GBE1: variants seen among roughly 807,000 people sequenced by gnomAD.
GBE1 encodes the protein 1,4-alpha-glucan-branching enzyme.
A neutral mutation model predicts 88.8 loss-of-function variants in GBE1; 70 were observed. That is an observed-to-expected ratio of 0.79 (90% CI 0.65 to 0.96). The LOEUF is 0.96. Among genes scored for constraint, GBE1 ranks in the 40% least tolerant of loss-of-function variants. The pLI, the probability that GBE1 is intolerant of heterozygous loss-of-function variation, is 0.00. For synonymous variants in GBE1, 284 were observed against 300.1 expected (o/e 0.95, Z 0.56); for missense variants, 872 against 871.0 (o/e 1.00, Z -0.01).
chr3:81,671,172 TAATTA>T (rs1705183949), intron 2 of GBE1, among the ~76,000 whole-genome samples: 1 of 152,212 alleles, frequency 6.6e-6, no homozygotes, highest in Non-Finnish European at 1.5e-5. Context: ...TTGCATTTTA[TAATTA>T]AATTAAGACT....
intron 12 of GBE1, among the ~76,000 whole-genome samples, chr3:81,553,480 C>T (rs901524940): frequency 1.3e-5 from 2 of 151,374 alleles, no homozygotes; most frequent in Admixed American, 6.6e-5. Context: ...AGCAAGCATT[C>T]AGTATACACT....
chr3:81,564,436 T>C (rs1703462996), intron 12 of GBE1, among the ~76,000 whole-genome samples: 1 of 152,138 alleles, frequency 6.6e-6, no homozygotes, highest in Non-Finnish European at 1.5e-5. Context: ...GGAAGAAATG[T>C]AGCAGTATTT....
chr3:81,718,161 G>A (rs908786604), intron 1 of GBE1, among the ~76,000 whole-genome samples: 22 of 151,694 alleles, frequency 1.5e-4, no homozygotes, highest in Non-Finnish European at 4.4e-5. Flanking sequence ...GTATATTTTA[G>A]TATAGGTGGG....
intron 2 of GBE1, among the ~76,000 whole-genome samples, chr3:81,693,206 T>C (rs1360318017): frequency 3.3e-5 from 5 of 152,138 alleles, no homozygotes; most frequent in African/African-American, 1.2e-4. Flanking sequence ...ACAGTTTTGG[T>C]TTAAAAATAA....
At chr3:81,513,810 CA>C (rs1024561554) in intron 14 of GBE1, among the ~76,000 whole-genome samples, 23 of 151,638 alleles carry the variant, frequency 1.5e-4, no homozygotes, top group Admixed American at 5.9e-4. Context: ...TTAATTCTGA[CA>C]ACAATTCTAT....
Position 81,732,147 on chromosome 3 carries a change from G to A in GBE1, c.144-26534C>T, listed in dbSNP as rs147627903. On this transcript the variant is annotated intron_variant, in intron 1 of 15. Transcript: ENST00000429644. ...GACATATACTAAGCATTAAAATATA[G>A]TTGTTAAATCAACGAATATACATAA... Among the ~76,000 whole-genome samples the A allele has an allele frequency of 5.7e-3, 869 of 152,176 alleles. 2 individuals carry two copies. Among genetic ancestry groups the A allele is most frequent in the Non-Finnish European group, 8.5e-3 (578 of 67,996 alleles).
chr3:81,567,127 G>A (rs1703506003), intron 12 of GBE1, among the ~76,000 whole-genome samples: 1 of 152,106 alleles, frequency 6.6e-6, no homozygotes, highest in Admixed American at 6.6e-5. Context: ...CTCAGAATCA[G>A]TCTCGTCTAG....
chr3:81,740,379 C>CTTTTTTTTTTTTT (rs1485421090), intron 1 of GBE1, among the ~76,000 whole-genome samples: 1 of 148,448 alleles, frequency 6.7e-6, no homozygotes, highest in African/African-American at 2.5e-5. Flanking sequence ...GGATCTCTCT[C>CTTTTTTTTTTTTT]TTTTTTTTTT....
Position 81,661,867 on chromosome 3 carries a change from C to T in GBE1, c.429+8971G>A, listed in dbSNP as rs1032431242. Among the ~76,000 whole-genome samples, 6 of 152,096 alleles carry T rather than the reference C, an allele frequency of 3.9e-5. No individual in the cohort carries two copies. In the South Asian group the frequency reaches 1.2e-3, roughly 32 times the overall value. On this transcript the variant is annotated intron_variant, in intron 3 of 15. Coordinates refer to ENST00000429644, the MANE Select transcript of GBE1 (RefSeq NM_000158.4). Reference sequence around the variant, plus strand: ...ACATCAGGTTACAGGGAATATATTTCCTAAAACCCTGGTAATAATACTTTT... The same window carrying T: ...ACATCAGGTTACAGGGAATATATTTTCTAAAACCCTGGTAATAATACTTTT...
intron 11 of GBE1, among the ~76,000 whole-genome samples, chr3:81,580,154 A>G (rs1424308680): frequency 6.6e-6 from 1 of 152,168 alleles, no homozygotes; most frequent in Non-Finnish European, 1.5e-5. Flanking sequence ...GTAACTTCAA[A>G]CATTTTATTG....
intron 2 of GBE1, among the ~76,000 whole-genome samples, chr3:81,691,395 T>G (rs1243097203): frequency 1.3e-5 from 2 of 152,196 alleles, no homozygotes; most frequent in Non-Finnish European, 1.5e-5. Flanking sequence ...ACAATGTATT[T>G]TGGTTTAATA....
At position 81,572,921 on chromosome 3, in the gene GBE1, C is replaced by T. The variant is rs111662066; in HGVS notation, c.1618+5004G>A. On this transcript the variant is annotated intron_variant, in intron 12 of 15. Transcript: ENST00000429644. ...ATGATAAGGCCATATGACTCTACTCCCTCTGCCTCAGCTGACTGAATTAGG... is the reference window on the plus strand; with the variant it reads ...ATGATAAGGCCATATGACTCTACTCTCTCTGCCTCAGCTGACTGAATTAGG... 1.3e-5 allele frequency among the ~76,000 whole-genome samples: 2 copies of T among 152,200 alleles called. 1 individual carries two copies. Among genetic ancestry groups the T allele is most frequent in the African/African-American group, 4.8e-5 (2 of 41,526 alleles).
chr3:81,591,436 T>C (rs1703875999), intron 8 of GBE1, among the ~76,000 whole-genome samples: 1 of 152,148 alleles, frequency 6.6e-6, no homozygotes, highest in Non-Finnish European at 1.5e-5. Flanking sequence ...CTAAATTATA[T>C]GGCAAAAAGT....
chr3:81,544,515 C>T (rs1703180474), intron 12 of GBE1, among the ~76,000 whole-genome samples: 2 of 152,128 alleles, frequency 1.3e-5, no homozygotes, highest in Admixed American at 1.3e-4. Context: ...TGATTCATTG[C>T]ATTCAATATA....
intron 8 of GBE1, among the ~76,000 whole-genome samples, chr3:81,593,659 T>C (rs937578995): frequency 6.6e-5 from 10 of 152,070 alleles, no homozygotes; most frequent in African/African-American, 2.4e-4. Flanking sequence ...AGTGTTACAA[T>C]AAATGGTTTC....
At chr3:81,612,917 TGAA>T (rs1704201568) in intron 7 of GBE1, 41 of 389,094 alleles carry the variant, frequency 1.1e-4, no homozygotes, top group South Asian at 9.0e-4. Context: ...ATATGGATGA[TGAA>T]GAAGGAAAAG....
At chr3:81,512,885 C>T (rs1256058133) in intron 14 of GBE1, among the ~76,000 whole-genome samples, 6 of 151,502 alleles carry the variant, frequency 4.0e-5, no homozygotes, top group Non-Finnish European at 8.9e-5. Flanking sequence ...ATTTCAGACA[C>T]ATGATTCATA....
chr3:81,701,582 C>T (rs1425207763), intron 2 of GBE1, among the ~76,000 whole-genome samples: 2 of 151,726 alleles, frequency 1.3e-5, no homozygotes, highest in African/African-American at 4.8e-5. Flanking sequence ...CTCACATTCA[C>T]AATCTAGTTA....
At chr3:81,647,797 T>A (rs945946397) in intron 5 of GBE1, among the ~76,000 whole-genome samples, 9 of 152,140 alleles carry the variant, frequency 5.9e-5, no homozygotes, top group Non-Finnish European at 1.3e-4. Context: ...GGCTGATACC[T>A]TGTATCAAGC....
Sources: gnomAD v4.1 joint callset for allele counts (sites outside exome capture counted in the v4.1 genomes callset) on GRCh38, gnomAD v4.1.1 for gene constraint, MANE v1.5 for transcripts, NCBI Gene and HGNC (gene_info 2026-07-23, HGNC 2026-07-21) for gene names.